CCDC181: variants seen among roughly 807,000 people sequenced by gnomAD.
The protein encoded by CCDC181 is coiled-coil domain-containing protein 181.
In CCDC181, 35 loss-of-function variants were observed where a neutral mutation model predicts 58.7. The observed-to-expected ratio is 0.60, with a 90% CI of 0.46 to 0.79. CCDC181 has a LOEUF of 0.79. Ranked by LOEUF, CCDC181 falls within the 30% of genes least tolerant of loss-of-function variation. The pLI is 0.00. For synonymous variants in CCDC181, 183 were observed against 197.5 expected (o/e 0.93, Z 0.62); for missense variants, 517 against 583.9 (o/e 0.89, Z 1.18).
chr1:169,413,012 A>G (rs904404677), intron 4 of CCDC181, among the ~76,000 whole-genome samples: 11 of 152,238 alleles, frequency 7.2e-5, no homozygotes, highest in African/African-American at 2.7e-4. Flanking sequence ...ACAAAAGCCA[A>G]CATTGACAAA....
chr1:169,453,571 G>T (rs1657605485), intron 2 of CCDC181, among the ~76,000 whole-genome samples: 1 of 151,932 alleles, frequency 6.6e-6, no homozygotes, highest in South Asian at 2.1e-4. Flanking sequence ...ATACAGCAAG[G>T]ACCTCCCTGA....
intron 2 of CCDC181, among the ~76,000 whole-genome samples, chr1:169,434,099 T>A (rs1656991414): frequency 6.6e-6 from 1 of 151,830 alleles, no homozygotes; most frequent in Admixed American, 6.6e-5. Context: ...CAACAACAAT[T>A]ATAAAAACAA....
rs377162197 is a variant in CCDC181, at chr1:169,421,596, C to T, written c.835G>A (p.Val279Ile). Residue 279 changes from valine to isoleucine, a missense_variant, in exon 3 of 6, where the codon GTC becomes ATC. Val to Ile is a conservative substitution (Grantham distance 29). Coordinates refer to ENST00000367806, the MANE Select transcript of CCDC181 (RefSeq NM_001300969.2). ...KEDSTAKIHA[V>I]THSSTGEPLA... ...GGCTCTCCTGTTGATGAGTGAGTGA[C>T]AGCATGAATCTTTGCTGTAGAATCT... 6 of 1,613,996 alleles carry T rather than the reference C, an allele frequency of 3.7e-6. No individual in the cohort carries two copies. The South Asian group carries it at 5.5e-5, about 15-fold the overall frequency.
chr1:169,397,349 TA>T lies in CCDC181; in HGVS notation c.1257del (p.Lys422SerfsTer6). 3.7e-6 allele frequency: 6 copies of T among 1,611,304 alleles called. No individual in the cohort carries two copies. The highest frequency in any genetic ancestry group is 5.1e-6 in the Non-Finnish European group (6 of 1,178,826). On this transcript the variant is annotated frameshift_variant, in exon 5 of 6. Transcript: ENST00000367806. LOFTEE classifies it high-confidence loss of function. Reference protein sequence around the residue: ...RDPQQAFRLWLKKKHEEQMKE... With the variant: ...RDPQQAFRLWXKKKHEEQMKE... The stretch of plus-strand genomic sequence containing the variant: ...TTCATCTGCTCTTCGTGCTTTTTTT[TA>T]AGCCATAATCGAAAAGCTTGTTGTG...
chr1:169,401,594 T>A (rs1655351962), intron 4 of CCDC181, among the ~76,000 whole-genome samples: 2 of 152,208 alleles, frequency 1.3e-5, no homozygotes, highest in South Asian at 2.1e-4. Context: ...GGGTCCTGAC[T>A]GTTAGAAGGA....
intron 2 of CCDC181, among the ~76,000 whole-genome samples, chr1:169,458,176 T>G (rs76730121): frequency 7.4e-5 from 3 of 40,590 alleles, no homozygotes; most frequent in Non-Finnish European, 1.7e-4. Flanking sequence ...GTAATTTTTG[T>G]TTTTTTTTTT....
chr1:169,418,673 G>T, intron 4 of CCDC181: 41 of 246,726 alleles, frequency 1.7e-4, no homozygotes, highest in East Asian at 3.9e-4. Context: ...ATTTCTATAC[G>T]TCTAGTCTTA....
At chr1:169,453,022 T>G (rs895968344) in intron 2 of CCDC181, among the ~76,000 whole-genome samples, 4 of 151,980 alleles carry the variant, frequency 2.6e-5, no homozygotes, top group African/African-American at 9.7e-5. Context: ...TTTTTTTCAT[T>G]TTTTGAAGAA....
intron 5 of CCDC181, chr1:169,395,818 A>C (rs1654988407): frequency 6.6e-6 from 1 of 151,546 alleles, no homozygotes; most frequent in South Asian, 2.1e-4. Context: ...GTAAGTGTGT[A>C]TGTGGTATGT....
At chr1:169,441,203 G>A (rs1657220815) in intron 2 of CCDC181, among the ~76,000 whole-genome samples, 1 of 152,074 alleles carries the variant, frequency 6.6e-6, no homozygotes, top group Non-Finnish European at 1.5e-5. Context: ...TATTTATTGA[G>A]TTCACATTAC....
chr1:169,425,998 G>A (rs1264260598), intron 1 of CCDC181, among the ~76,000 whole-genome samples: 3 of 151,906 alleles, frequency 2.0e-5, no homozygotes, highest in Non-Finnish European at 4.4e-5. Flanking sequence ...TAAAAGCACA[G>A]TAATTAAAAA....
chr1:169,401,560 A>C lies in CCDC181; in HGVS notation c.1216-4169T>G, dbSNP rs551088853. ...CCAGGGTCTGGAGTGGACCTCCAGC[A>C]AACTCCAATAGACCCACAGGTGAGG... On this transcript the variant is annotated intron_variant, in intron 4 of 5. Transcript: ENST00000367806. Among the ~76,000 whole-genome samples the C allele has an allele frequency of 1.2e-4, 18 of 152,350 alleles. No individual in the cohort carries two copies. The East Asian group carries it at 3.3e-3, about 28-fold the overall frequency.
intron 2 of CCDC181, among the ~76,000 whole-genome samples, chr1:169,447,753 CCTCT>C (rs1657415414): frequency 6.6e-6 from 1 of 152,078 alleles, no homozygotes; most frequent in Admixed American, 6.5e-5. Context: ...TTATGTAATG[CCTCT>C]CTATCTTGAT....
At position 169,394,945 on chromosome 1, in the gene CCDC181, A is replaced by G. The variant is rs115136392; in HGVS notation, c.*102T>C. 9.9e-4 allele frequency: 1,057 copies of G among 1,062,366 alleles called. 7 individuals carry two copies. In the African/African-American group the frequency reaches 0.016, roughly 16 times the overall value. 65.8% of individuals were successfully genotyped at this position (1,062,366 alleles called of 1,614,324 possible). A position where few individuals can be genotyped will look rare whatever the true frequency, so the allele number is the denominator to read the frequency against. On this transcript the variant is annotated 3_prime_UTR_variant, in exon 6 of 6. Coordinates refer to ENST00000367806, the MANE Select transcript of CCDC181 (RefSeq NM_001300969.2). The stretch of plus-strand genomic sequence containing the variant: ...AATTCACTGTCAATAAAAGATAAAT[A>G]CCATTTCCATAATTTAGAATACAAC...
At chr1:169,454,501 A>G (rs917873397) in intron 2 of CCDC181, 2 of 152,050 alleles carry the variant, frequency 1.3e-5, no homozygotes, top group Non-Finnish European at 2.9e-5. Context: ...AAAACTTACA[A>G]TGAAGGGAGG....
At chr1:169,451,051 A>G (rs529839599) in intron 2 of CCDC181, 1 of 152,318 alleles carries the variant, frequency 6.6e-6, no homozygotes, top group East Asian at 1.9e-4. Flanking sequence ...AAATGCTCCA[A>G]TGAGCATTTC....
intron 2 of CCDC181, among the ~76,000 whole-genome samples, chr1:169,454,195 G>A (rs1657624875): frequency 6.6e-6 from 1 of 151,812 alleles, no homozygotes; most frequent in East Asian, 1.9e-4. Flanking sequence ...TTTTTAATAA[G>A]GAGAAAATGA....
At chr1:169,415,335 T>C (rs143658324) in intron 4 of CCDC181, among the ~76,000 whole-genome samples, 100 of 152,336 alleles carry the variant, frequency 6.6e-4, no homozygotes, top group African/African-American at 2.3e-3. Flanking sequence ...TACAGCAATA[T>C]GCTGTGCTGC....
At chr1:169,429,467 G>T (rs1020809711), upstream of CCDC181, among the ~76,000 whole-genome samples, 6 of 151,768 alleles carry the variant, frequency 4.0e-5, no homozygotes, top group African/African-American at 7.3e-5. Context: ...AACATCTGTT[G>T]TTTTTTTTAT....
Sources: allele counts gnomAD v4.1 joint callset (sites outside exome capture counted in the v4.1 genomes callset), GRCh38; gene constraint gnomAD v4.1.1; transcripts MANE v1.5; gene names NCBI Gene and HGNC (gene_info 2026-07-23, HGNC 2026-07-21).